CALN1: variants seen among roughly 807,000 people sequenced by gnomAD.
CALN1 encodes calcium-binding protein 8.
In CALN1, 17 loss-of-function variants were observed where a neutral mutation model predicts 30.6. The observed-to-expected ratio is 0.56, with a 90% confidence interval of 0.38 to 0.83. CALN1 has a LOEUF of 0.83. CALN1 is among the 40% of genes least tolerant of loss of function. The pLI, the probability that CALN1 is intolerant of heterozygous loss-of-function variation, is 0.00. For missense variants in CALN1, 291 were observed against 354.9 expected (o/e 0.82, Z 1.45); for synonymous variants, 156 against 131.4 (o/e 1.19, Z -1.28).
intron 1 of CALN1, among the ~76,000 whole-genome samples, chr7:72,421,400 G>A (rs1031688170): frequency 6.6e-6 from 1 of 151,824 alleles, no homozygotes; most frequent in Non-Finnish European, 1.5e-5. Context: ...CATCCTTAAC[G>A]TAAATCCTCA....
At chr7:72,182,394 G>C (rs936318445) in intron 3 of CALN1, among the ~76,000 whole-genome samples, 17 of 152,142 alleles carry the variant, frequency 1.1e-4, no homozygotes, top group African/African-American at 4.1e-4. Flanking sequence ...TCTGTAGGAA[G>C]GGAAATATCA....
chr7:72,262,254 A>G (rs935747053), intron 3 of CALN1, among the ~76,000 whole-genome samples: 8 of 152,188 alleles, frequency 5.3e-5, no homozygotes, highest in African/African-American at 1.9e-4. Context: ...GATCCTTGAG[A>G]GCATCACACG....
At chr7:72,043,668 G>A (rs1584811482) in intron 4 of CALN1, among the ~76,000 whole-genome samples, 2 of 152,294 alleles carry the variant, frequency 1.3e-5, no homozygotes, top group East Asian at 1.9e-4. Context: ...CCACTCTGGA[G>A]GTCGAGGCAG....
At chr7:72,365,188 CCACCTA>C (rs1387505834) in intron 2 of CALN1, among the ~76,000 whole-genome samples, 1 of 152,058 alleles carries the variant, frequency 6.6e-6, no homozygotes, top group East Asian at 1.9e-4. Context: ...GACTGTAATC[CCACCTA>C]CTCGGGAGGC....
intron 3 of CALN1, among the ~76,000 whole-genome samples, chr7:72,265,413 C>A (rs1366540243): frequency 6.6e-6 from 1 of 152,040 alleles, no homozygotes; most frequent in African/African-American, 2.4e-5. Context: ...CTGCTGCTGG[C>A]CAATTACTGC....
At chr7:72,383,290 T>G (rs1805021184) in intron 2 of CALN1, among the ~76,000 whole-genome samples, 1 of 152,240 alleles carries the variant, frequency 6.6e-6, no homozygotes, top group Admixed American at 6.5e-5. Flanking sequence ...GTAATGAGGC[T>G]GCGGGGTGAA....
At chr7:72,287,280 G>C (rs1339851248) in intron 2 of CALN1, among the ~76,000 whole-genome samples, 2 of 151,864 alleles carry the variant, frequency 1.3e-5, no homozygotes, top group Non-Finnish European at 2.9e-5. Flanking sequence ...TCCAGATTTT[G>C]ATGTAACTAC....
At chr7:72,221,748 G>C (rs1180381416) in intron 3 of CALN1, among the ~76,000 whole-genome samples, 1 of 149,046 alleles carries the variant, frequency 6.7e-6, no homozygotes, top group Non-Finnish European at 1.5e-5. Flanking sequence ...AAATTAGCTG[G>C]GCATGGTGGC....
At chr7:71,830,562 G>A (rs763403402) in intron 5 of CALN1, among the ~76,000 whole-genome samples, 10 of 151,854 alleles carry the variant, frequency 6.6e-5, no homozygotes, top group East Asian at 5.8e-4. Context: ...TGTCCAGGCC[G>A]GTCTTGAACT....
At chr7:72,492,795 G>A in the CALN1 span, among the ~76,000 whole-genome samples, 10 of 152,304 alleles carry the variant, frequency 6.6e-5, no homozygotes, top group African/African-American at 1.4e-4. Flanking sequence ...GCCGAGCACC[G>A]GAACAGTCGT....
At chr7:72,394,296 G>A (rs1175977445) in intron 2 of CALN1, among the ~76,000 whole-genome samples, 1 of 152,112 alleles carries the variant, frequency 6.6e-6, no homozygotes, top group Admixed American at 6.5e-5. Flanking sequence ...TGGTAATTCT[G>A]GAGAGCAATT....
chr7:72,365,100 T>C (rs752776593), intron 2 of CALN1, among the ~76,000 whole-genome samples: 1 of 151,816 alleles, frequency 6.6e-6, no homozygotes, highest in Admixed American at 6.6e-5. Flanking sequence ...AGGTCAGGAG[T>C]TCGAGATCAG....
intron 3 of CALN1, among the ~76,000 whole-genome samples, chr7:72,267,712 G>A (rs979940178): frequency 1.3e-5 from 2 of 152,208 alleles, no homozygotes; most frequent in African/African-American, 4.8e-5. Flanking sequence ...AATGTAGTTA[G>A]TAACAGTACC....
chr7:71,840,077 T>C (rs187656408), intron 5 of CALN1, among the ~76,000 whole-genome samples: 1 of 152,308 alleles, frequency 6.6e-6, no homozygotes, highest in Non-Finnish European at 1.5e-5. Flanking sequence ...CCTGACTCTG[T>C]TTTTGTTTTC....
At chr7:72,472,132 G>A in the CALN1 span, among the ~76,000 whole-genome samples, 1 of 152,162 alleles carries the variant, frequency 6.6e-6, no homozygotes, top group African/African-American at 2.4e-5. Context: ...ACAGAATGCT[G>A]CTCCTCCGCT....
intron 3 of CALN1, among the ~76,000 whole-genome samples, chr7:72,219,049 T>C (rs964333575): frequency 2.8e-4 from 42 of 152,204 alleles, no homozygotes; most frequent in African/African-American, 9.7e-4. Flanking sequence ...TACCCCACTC[T>C]TGACTCTGAC....
chr7:71,880,120 G>C (rs1029338696), intron 5 of CALN1, among the ~76,000 whole-genome samples: 20 of 152,116 alleles, frequency 1.3e-4, no homozygotes, highest in Admixed American at 1.2e-3. Flanking sequence ...CTGGGTGATG[G>C]AGCAGGATAC....
chr7:71,896,537 G>A (rs945256760), intron 5 of CALN1, among the ~76,000 whole-genome samples: 4 of 152,174 alleles, frequency 2.6e-5, no homozygotes, highest in Non-Finnish European at 5.9e-5. Flanking sequence ...GAAATTAGAT[G>A]AGAATCTTAT....
chr7:72,121,384 T>C (rs915729336), intron 3 of CALN1, among the ~76,000 whole-genome samples: 3 of 146,058 alleles, frequency 2.1e-5, no homozygotes, highest in Non-Finnish European at 3.0e-5. Context: ...TTACGTATTA[T>C]ATAATATAGA....
Sources: gnomAD v4.1 joint callset for allele counts (sites outside exome capture counted in the v4.1 genomes callset) on GRCh38, gnomAD v4.1.1 for gene constraint, MANE v1.5 for transcripts, NCBI Gene and HGNC (gene_info 2026-07-23, HGNC 2026-07-21) for gene names.